Variants in SLC38A12 observed in about 807,000 individuals in gnomAD.
SLC38A12 encodes the protein solute carrier family 38 member 12.
At chr17:74,786,213 G>T in the SLC38A12 span, among the ~76,000 whole-genome samples, 1 of 152,216 alleles carries the variant, frequency 6.6e-6, no homozygotes. Flanking sequence ...TCTTCTCGGG[G>T]ATTCCCACAC....
chr17:74,827,518 A>T, the SLC38A12 span, among the ~76,000 whole-genome samples: 3 of 151,844 alleles, frequency 2.0e-5, no homozygotes, highest in East Asian at 5.8e-4. This position sits in a 1 kb window ranked among gnomAD's most constrained non-coding sequence, Gnocchi z 4.7. Context: ...CTGGTCTCGA[A>T]CTCCTGACCT....
chr17:74,786,583 C>T, the SLC38A12 span, among the ~76,000 whole-genome samples: 2 of 152,082 alleles, frequency 1.3e-5, no homozygotes, highest in East Asian at 1.9e-4. Context: ...GACTAGGATG[C>T]CGGCTGAAGC....
chr17:74,824,454 G>T, the SLC38A12 span, among the ~76,000 whole-genome samples: 1 of 150,524 alleles, frequency 6.6e-6, no homozygotes, highest in African/African-American at 2.4e-5. Context: ...GGCTGCCCCT[G>T]CCCCGCCGCA....
At chr17:74,777,167 T>C in the SLC38A12 span, 1 of 752,896 alleles carries the variant, frequency 1.3e-6, no homozygotes, top group Non-Finnish European at 2.3e-6. Flanking sequence ...TAAGTGTCTG[T>C]GATAAAAGAA....
At chr17:74,795,523 G>A in the SLC38A12 span, 13 of 1,613,718 alleles carry the variant, frequency 8.1e-6, no homozygotes, top group Non-Finnish European at 1.1e-5. Flanking sequence ...CTCTTTATCA[G>A]CAGCGCCACT....
At chr17:74,829,468 G>T in the SLC38A12 span, among the ~76,000 whole-genome samples, 1 of 152,072 alleles carries the variant, frequency 6.6e-6, no homozygotes, top group African/African-American at 2.4e-5. The surrounding 1 kb of genome is among the most constrained non-coding windows in gnomAD (Gnocchi z 4.1). Context: ...GTGCTCAGGA[G>T]CCTCGGCCTC....
At chr17:74,803,843 A>G in the SLC38A12 span, among the ~76,000 whole-genome samples, 1 of 152,218 alleles carries the variant, frequency 6.6e-6, no homozygotes, top group Non-Finnish European at 1.5e-5. Flanking sequence ...AGTTTTTATT[A>G]TATCTGTTAA....
At chr17:74,800,677 C>T in the SLC38A12 span, among the ~76,000 whole-genome samples, 1 of 152,232 alleles carries the variant, frequency 6.6e-6, no homozygotes, top group Non-Finnish European at 1.5e-5. Flanking sequence ...GACACTGTGC[C>T]GCCTGCCTCC....
chr17:74,788,626 T>G, the SLC38A12 span, among the ~76,000 whole-genome samples: 5 of 152,356 alleles, frequency 3.3e-5, no homozygotes, highest in African/African-American at 1.2e-4. Context: ...CGTCAAAGCA[T>G]GCACACCTTT....
At chr17:74,817,303 T>C in the SLC38A12 span, among the ~76,000 whole-genome samples, 3 of 152,024 alleles carry the variant, frequency 2.0e-5, no homozygotes, top group Non-Finnish European at 4.4e-5. Context: ...TTCCCAAGCG[T>C]TATGGTCGGT....
the SLC38A12 span, among the ~76,000 whole-genome samples, chr17:74,789,964 T>TG: frequency 7.0e-6 from 1 of 142,062 alleles, no homozygotes; most frequent in African/African-American, 3.0e-5. Context: ...TGTTTTTTTG[T>TG]TTTTTTGAGA....
the SLC38A12 span, chr17:74,790,947 G>T: frequency 6.2e-7 from 1 of 1,613,934 alleles, no homozygotes; most frequent in South Asian, 1.1e-5. Flanking sequence ...TGTTCTTTTG[G>T]CTCTGCAGAG....
chr17:74,837,202 C>A, the SLC38A12 span: 9 of 985,712 alleles, frequency 9.1e-6, no homozygotes, highest in African/African-American at 1.4e-4. Context: ...ACGGCAGGGC[C>A]CACCCTCCCA....
At chr17:74,779,980 G>A in the SLC38A12 span, among the ~76,000 whole-genome samples, 3 of 152,210 alleles carry the variant, frequency 2.0e-5, no homozygotes, top group East Asian at 5.8e-4. Context: ...TCCCCTTAAG[G>A]GATCTCAGGA....
chr17:74,801,998 G>A, the SLC38A12 span, among the ~76,000 whole-genome samples: 7 of 151,348 alleles, frequency 4.6e-5, no homozygotes, highest in African/African-American at 1.5e-4. Flanking sequence ...CCATTCCTCC[G>A]CCACTGCTGC....
chr17:74,839,482 G>A, the SLC38A12 span: 1 of 212,184 alleles, frequency 4.7e-6, no homozygotes, highest in East Asian at 1.2e-4. Context: ...GCTGGAGAGA[G>A]CTTGGGATCC....
the SLC38A12 span, among the ~76,000 whole-genome samples, chr17:74,791,699 C>T: frequency 2.0e-5 from 3 of 152,230 alleles, no homozygotes; most frequent in Non-Finnish European, 4.4e-5. Context: ...TGAGTGAGAC[C>T]GGAGCCCTGA....
chr17:74,835,044 C>T, the SLC38A12 span, among the ~76,000 whole-genome samples: 1 of 152,364 alleles, frequency 6.6e-6, no homozygotes, highest in East Asian at 1.9e-4. Flanking sequence ...TCTCCAGTGG[C>T]AGCCCAGGAG....
the SLC38A12 span, among the ~76,000 whole-genome samples, chr17:74,802,824 C>T: frequency 6.6e-6 from 1 of 152,132 alleles, no homozygotes; most frequent in Non-Finnish European, 1.5e-5. Flanking sequence ...TCTCCATTGT[C>T]TGTAAAATAA....
Sources: gnomAD v4.1 joint callset for allele counts (sites outside exome capture counted in the v4.1 genomes callset) on GRCh38, gnomAD v4.1.1 for gene constraint, Gnocchi (gnomAD v3.1) non-coding constraint, MANE v1.5 for transcripts, NCBI Gene and HGNC (gene_info 2026-07-23, HGNC 2026-07-21) for gene names.